The following GFOD1 variants were observed in gnomAD, a reference collection of about 807,000 sequenced individuals.
GFOD1 encodes the protein Gfo/Idh/MocA-like oxidoreductase domain containing 1, also known as glucose-fructose oxidoreductase domain-containing protein 1.
A neutral mutation model predicts 25.4 loss-of-function variants in GFOD1; 9 were observed. That is an observed-to-expected ratio of 0.35 (90% CI 0.21 to 0.62). The LOEUF (loss-of-function observed/expected upper bound fraction) is 0.62, where lower values mean the gene tolerates loss of function less well. GFOD1 is among the 20% of genes least tolerant of loss of function. The pLI is 0.72. For missense variants in GFOD1, 403 were observed against 556.9 expected (o/e 0.72, Z 2.78); for synonymous variants, 253 against 245.6 (o/e 1.03, Z -0.28).
In GFOD1 at chr6:13,430,221, G is replaced by C. The variant is rs569384591; in HGVS notation, c.253+56417C>G. The stretch of plus-strand genomic sequence containing the variant: ...GGAAGCAGAGGCGGGTGGATGACTT[G>C]AGGCCAGGAGTTCGAGACCAGCCTG... On this transcript the variant is annotated intron_variant, in intron 1 of 1. Coordinates refer to ENST00000379287, the MANE Select transcript of GFOD1 (RefSeq NM_018988.4). This position sits in a 1 kb window ranked among gnomAD's most constrained non-coding sequence, Gnocchi z 4.1. Among the ~76,000 whole-genome samples, 8 of 152,264 alleles carry C rather than the reference G, an allele frequency of 5.3e-5. No homozygotes were observed. In the South Asian group the frequency reaches 1.7e-3, roughly 32 times the overall value.
At chr6:13,377,559 A>C in intron 1 of GFOD1, among the ~76,000 whole-genome samples, 1 of 152,170 alleles carries the variant, frequency 6.6e-6, no homozygotes, top group Non-Finnish European at 1.5e-5. Flanking sequence ...TCATGCTTGG[A>C]AGCCCTTGGA....
In GFOD1 at chr6:13,487,151, A is replaced by AC. The variant is rs1295277983; in HGVS notation, c.-262dup. The AC allele has an allele frequency of 9.0e-5, 39 of 434,588 alleles. No individual in the cohort carries two copies. Among genetic ancestry groups the AC allele is most frequent in the Middle Eastern group, 5.9e-4 (1 of 1,698 alleles). 26.9% of individuals were successfully genotyped at this position (434,588 alleles called of 1,614,324 possible). On this transcript the variant is annotated 5_prime_UTR_variant, in exon 1 of 2. An upstream open reading frame in the 5' UTR loses its in-frame stop. Transcript: ENST00000379287. The surrounding 1 kb of genome is among the most constrained non-coding windows in gnomAD (Gnocchi z 4.9). The stretch of plus-strand genomic sequence containing the variant: ...GTCCTTCCCGGAGTCGGCGGCAGGG[A>AC]CCCCCCCAGGGCGCCGGAGGCTTCG...
intron 1 of GFOD1, among the ~76,000 whole-genome samples, chr6:13,390,494 G>C (rs183856734): frequency 7.2e-5 from 11 of 152,210 alleles, no homozygotes; most frequent in Admixed American, 3.9e-4. Flanking sequence ...TGGAAGTGGA[G>C]GTAGGAGGAT....
intron 1 of GFOD1, among the ~76,000 whole-genome samples, chr6:13,444,161 T>C (rs1339755462): frequency 1.3e-5 from 2 of 152,140 alleles, no homozygotes; most frequent in Non-Finnish European, 2.9e-5. Context: ...ATAAACACCA[T>C]GGAATACTAT....
At chr6:13,436,438 C>T (rs1404286567) in intron 1 of GFOD1, among the ~76,000 whole-genome samples, 2 of 152,238 alleles carry the variant, frequency 1.3e-5, no homozygotes, top group African/African-American at 2.4e-5. Context: ...ACAAATGGAT[C>T]ATGCTCTGCA....
chr6:13,425,815 A>G (rs1158870058), intron 1 of GFOD1, among the ~76,000 whole-genome samples: 1 of 152,126 alleles, frequency 6.6e-6, no homozygotes, highest in Admixed American at 6.5e-5. Flanking sequence ...ACATTGGAAG[A>G]AGAAAAAATT....
At chr6:13,445,736 C>A (rs1347753980) in intron 1 of GFOD1, among the ~76,000 whole-genome samples, 2 of 152,220 alleles carry the variant, frequency 1.3e-5, no homozygotes, top group Non-Finnish European at 2.9e-5. Context: ...AAGCTTAATG[C>A]TGCCACTTAG....
intron 1 of GFOD1, among the ~76,000 whole-genome samples, chr6:13,447,960 C>T (rs1298222350): frequency 6.6e-6 from 1 of 151,424 alleles, no homozygotes; most frequent in African/African-American, 2.4e-5. Context: ...GCATTACTGG[C>T]CACAGTGGAG....
chr6:13,447,740 CAAAAAAAAAA>C (rs34431944), intron 1 of GFOD1, among the ~76,000 whole-genome samples: 24 of 31,914 alleles, frequency 7.5e-4, no homozygotes, highest in East Asian at 2.6e-3. Flanking sequence ...GACTCCTTCT[CAAAAAAAAAA>C]AAAAAAAAAA....
intron 1 of GFOD1, among the ~76,000 whole-genome samples, chr6:13,390,810 A>AGGAAGGAAGGAAGGAAGGAAGGAAGGAG (rs1485348756): frequency 2.0e-5 from 3 of 151,358 alleles, no homozygotes; most frequent in East Asian, 3.9e-4. Flanking sequence ...GAAGGAAGGA[A>AGGAAGGAAGGAAGGAAGGAAGGAAGGAG]GGAAGGAAGG....
intron 1 of GFOD1, among the ~76,000 whole-genome samples, chr6:13,454,913 G>C (rs887341972): frequency 1.3e-5 from 2 of 152,172 alleles, no homozygotes; most frequent in African/African-American, 4.8e-5. Flanking sequence ...CAGGATATTA[G>C]CATCACCTCC....
Position 13,486,905 on chromosome 6 carries a change from G to T in GFOD1, c.-15C>A, listed in dbSNP as rs779174840. 2 of 1,603,770 alleles carry T rather than the reference G, an allele frequency of 1.2e-6. No homozygotes were observed. The highest frequency in any genetic ancestry group is 8.5e-7 in the Non-Finnish European group (1 of 1,178,834). ...CCGGGAAGCATGGCTGCTCAGAGCC[G>T]CCTGGTTCTGCTTCTGCTCGGATCT... On this transcript the variant is annotated 5_prime_UTR_variant, in exon 1 of 2. Transcript: ENST00000379287.
At position 13,374,273 on chromosome 6, in the gene GFOD1, T is replaced by TGTGTG. The variant is rs1554199407; in HGVS notation, c.254-8612_254-8611insCACAC. Among the ~76,000 whole-genome samples the TGTGTG allele has an allele frequency of 3.9e-3, 526 of 134,408 alleles. 1 individual carries two copies. The highest frequency in any genetic ancestry group is 0.014 in the African/African-American group (490 of 34,424). 88.2% of individuals were successfully genotyped at this position (134,408 alleles called of 152,430 possible). A position where few individuals can be genotyped will look rare whatever the true frequency, so the allele number is the denominator to read the frequency against. On this transcript the variant is annotated intron_variant, in intron 1 of 1. Transcript: ENST00000379287. ...GTCTTTTTAAAAATATGTTTTTTTT[T>TGTGTG]TGTGTGTGTGTGTGTGTGTGTGTGT...
intron 1 of GFOD1, among the ~76,000 whole-genome samples, chr6:13,452,489 A>C (rs937762326): frequency 5.9e-5 from 9 of 152,176 alleles, no homozygotes; most frequent in African/African-American, 2.2e-4. Flanking sequence ...GGGAAGTCTA[A>C]GATCAAGGTG....
intron 1 of GFOD1, chr6:13,469,666 TAC>T: frequency 8.5e-7 from 1 of 1,172,218 alleles, no homozygotes. Flanking sequence ...TGCAAAGACC[TAC>T]AGTTATCTTA....
intron 1 of GFOD1, among the ~76,000 whole-genome samples, chr6:13,481,558 TACACACACACACAC>T (rs55888360): frequency 0.58 from 87,801 of 150,694 alleles, 26,597 homozygotes; most frequent in South Asian, 0.69. Flanking sequence ...AGTGATACCT[TACACACACACACAC>T]ACACACACAC....
chr6:13,409,151 G>GAAAGAAAGAAAGAAAGAA (rs751020501), intron 1 of GFOD1, among the ~76,000 whole-genome samples: 1 of 64,548 alleles, frequency 1.5e-5, no homozygotes, highest in African/African-American at 7.5e-5. Flanking sequence ...GAAAGAAAGA[G>GAAAGAAAGAAAGAAAGAA]AGGAAAGAAA....
intron 1 of GFOD1, chr6:13,469,692 A>C: frequency 8.5e-7 from 1 of 1,174,732 alleles, no homozygotes; most frequent in Non-Finnish European, 1.1e-6. Flanking sequence ...CCAAGAAAGA[A>C]AAGCCCTTTT....
intron 1 of GFOD1, among the ~76,000 whole-genome samples, chr6:13,485,445 C>G (rs1758843620): frequency 6.6e-6 from 1 of 152,226 alleles, no homozygotes; most frequent in African/African-American, 2.4e-5. Context: ...TTCGCTTCAT[C>G]TGGTTATAAG....
Sources: allele counts gnomAD v4.1 joint callset (sites outside exome capture counted in the v4.1 genomes callset), GRCh38; gene constraint gnomAD v4.1.1; non-coding constraint Gnocchi (gnomAD v3.1); transcripts MANE v1.5; gene names NCBI Gene and HGNC (gene_info 2026-07-23, HGNC 2026-07-21).